GRIK1: variants seen among roughly 807,000 people sequenced by gnomAD.
The protein encoded by GRIK1 is glutamate ionotropic receptor kainate type subunit 1, also known as glutamate receptor ionotropic, kainate 1.
In GRIK1, 69 loss-of-function variants were observed where a neutral mutation model predicts 105.7. The ratio of observed to expected loss-of-function variants is 0.65; its 90% CI spans 0.54 to 0.80. The LOEUF (loss-of-function observed/expected upper bound fraction) is 0.80, where lower values mean the gene tolerates loss of function less well. GRIK1 is among the 30% of genes least tolerant of loss of function. The pLI, the probability that GRIK1 is intolerant of heterozygous loss-of-function variation, is 0.00. For synonymous variants in GRIK1, 438 were observed against 431.3 expected, an observed-to-expected ratio of 1.02 and a Z score of -0.19; for missense variants, 1,109 against 1,167.3, an observed-to-expected ratio of 0.95 and a Z score of 0.73.
At chr21:29,562,785 G>T (rs1341005255) in intron 14 of GRIK1, among the ~76,000 whole-genome samples, 2 of 151,874 alleles carry the variant, frequency 1.3e-5, no homozygotes, top group African/African-American at 4.8e-5. Context: ...TAATATATTT[G>T]TCTTTTCTCA....
chr21:29,781,541 A>G (rs1176374797), intron 1 of GRIK1, among the ~76,000 whole-genome samples: 1 of 150,644 alleles, frequency 6.6e-6, no homozygotes, highest in Admixed American at 6.6e-5. Context: ...AAATGTCTAT[A>G]GTTGTTGTAT....
At chr21:29,639,840 TG>T (rs1450680840) in intron 7 of GRIK1, among the ~76,000 whole-genome samples, 1 of 152,320 alleles carries the variant, frequency 6.6e-6, no homozygotes, top group East Asian at 1.9e-4. Flanking sequence ...AGCATGCATT[TG>T]TTTAGCAAAT....
At chr21:29,932,113 T>C (rs1449390937) in intron 1 of GRIK1, among the ~76,000 whole-genome samples, 1 of 152,210 alleles carries the variant, frequency 6.6e-6, no homozygotes, top group Non-Finnish European at 1.5e-5. Flanking sequence ...GTTGTATGAT[T>C]GCTTTATTTT....
chr21:29,553,719 A>C (rs763241433), intron 16 of GRIK1: 1 of 1,508,850 alleles, frequency 6.6e-7, no homozygotes, highest in Middle Eastern at 1.8e-4. Flanking sequence ...CATGCAAAAG[A>C]AATGAGAAAA....
At chr21:29,812,988 G>T (rs1308683318) in intron 1 of GRIK1, among the ~76,000 whole-genome samples, 1 of 152,126 alleles carries the variant, frequency 6.6e-6, no homozygotes, top group Non-Finnish European at 1.5e-5. Flanking sequence ...CTGGGTACAG[G>T]AGACGTTGCA....
intron 14 of GRIK1, among the ~76,000 whole-genome samples, chr21:29,565,495 C>G (rs779169749): frequency 6.6e-6 from 1 of 152,216 alleles, no homozygotes; most frequent in African/African-American, 2.4e-5. Flanking sequence ...TGCAATGGCA[C>G]GATCTCGGCT....
chr21:29,939,076 C>G (rs1461247459), intron 1 of GRIK1, among the ~76,000 whole-genome samples: 1 of 152,082 alleles, frequency 6.6e-6, no homozygotes, highest in Non-Finnish European at 1.5e-5. Context: ...CAGCGGCTCG[C>G]GATCCCTTGC....
chr21:29,710,605 A>G (rs527259989), intron 1 of GRIK1, among the ~76,000 whole-genome samples: 3 of 128,378 alleles, frequency 2.3e-5, no homozygotes, highest in East Asian at 4.1e-4. Context: ...TTTAATTATT[A>G]TTTATTTTAG....
At chr21:29,588,431 C>T (rs1200478842) in intron 11 of GRIK1, among the ~76,000 whole-genome samples, 2 of 152,112 alleles carry the variant, frequency 1.3e-5, no homozygotes, top group Non-Finnish European at 2.9e-5. Context: ...GAGTGAGTCT[C>T]ATGAGAGCTG....
intron 1 of GRIK1, among the ~76,000 whole-genome samples, chr21:29,815,679 A>G (rs1470828138): frequency 1.3e-5 from 2 of 152,154 alleles, no homozygotes; most frequent in African/African-American, 4.8e-5. Context: ...TGTCTTTATC[A>G]CTCTATCATA....
At chr21:29,560,303 CTT>C in intron 15 of GRIK1, among the ~76,000 whole-genome samples, 1 of 105,294 alleles carries the variant, frequency 9.5e-6, no homozygotes, top group Non-Finnish European at 1.9e-5. Context: ...TTCTTTCTTT[CTT>C]TCTTTCTTTC....
intron 7 of GRIK1, among the ~76,000 whole-genome samples, chr21:29,626,231 A>G (rs1430766790): frequency 6.6e-6 from 1 of 152,118 alleles, no homozygotes; most frequent in Non-Finnish European, 1.5e-5. Context: ...GCATCAGAGA[A>G]TGCATGCACA....
intron 1 of GRIK1, among the ~76,000 whole-genome samples, chr21:29,795,686 T>C (rs753722034): frequency 1.7e-4 from 26 of 152,224 alleles, no homozygotes; most frequent in Non-Finnish European, 3.5e-4. Flanking sequence ...TCTTTATCCA[T>C]GCTACTTGAC....
chr21:29,544,623 A>G (rs886966254), intron 16 of GRIK1, among the ~76,000 whole-genome samples: 1 of 152,236 alleles, frequency 6.6e-6, no homozygotes, highest in Non-Finnish European at 1.5e-5. Flanking sequence ...AGCTTTTTAA[A>G]TGGACTTTTG....
chr21:29,934,767 A>G (rs146898444), intron 1 of GRIK1, among the ~76,000 whole-genome samples: 68 of 152,332 alleles, frequency 4.5e-4, no homozygotes, highest in African/African-American at 1.6e-3. Context: ...AATGAAAACC[A>G]GAGATCACAA....
intron 1 of GRIK1, among the ~76,000 whole-genome samples, chr21:29,768,264 C>T (rs749490379): frequency 1.3e-5 from 2 of 152,090 alleles, no homozygotes; most frequent in Non-Finnish European, 2.9e-5. Context: ...ACTGATGAGT[C>T]AGTTGTTTTC....
At chr21:29,866,068 CT>C (rs796606707) in intron 1 of GRIK1, among the ~76,000 whole-genome samples, 3,176 of 148,308 alleles carry the variant, frequency 0.021, 79 homozygotes, top group African/African-American at 0.064. Flanking sequence ...AGAGTTTTTA[CT>C]TTTTTTTTTT....
intron 1 of GRIK1, among the ~76,000 whole-genome samples, chr21:29,905,687 A>C (rs453105): frequency 0.1 from 10,381 of 99,986 alleles, 364 homozygotes; most frequent in Middle Eastern, 0.17. Flanking sequence ...AGTGCAGTGG[A>C]GGGATCTCGG....
At chr21:29,764,659 G>A (rs2065612847) in intron 1 of GRIK1, among the ~76,000 whole-genome samples, 1 of 152,112 alleles carries the variant, frequency 6.6e-6, no homozygotes, top group African/African-American at 2.4e-5. Context: ...AATGCTGATG[G>A]CTATATCTTC....
Sources: allele counts gnomAD v4.1 joint callset (sites outside exome capture counted in the v4.1 genomes callset), GRCh38; gene constraint gnomAD v4.1.1; transcripts MANE v1.5; gene names NCBI Gene and HGNC (gene_info 2026-07-23, HGNC 2026-07-21).